The following DUSP29 variants were observed in gnomAD, a reference collection of about 807,000 sequenced individuals.
DUSP29 encodes the protein atypical dual-specific protein phosphatase.
DUSP29 carries 12 observed loss-of-function variants against 13.5 expected under a neutral mutation model. The ratio of observed to expected loss-of-function variants is 0.89; its 90% CI spans 0.57 to 1.44. DUSP29 has a LOEUF of 1.44. Among genes scored for constraint, DUSP29 ranks in the 40% most tolerant of loss-of-function variants. DUSP29 has a pLI of 0.00. For synonymous variants in DUSP29, 134 were observed against 128.7 expected (o/e 1.04, Z -0.28); for missense variants, 308 against 301.1 (o/e 1.02, Z -0.17).
At chr10:75,066,294 G>T (rs1021964752) in intron 1 of DUSP29, among the ~76,000 whole-genome samples, 2 of 151,994 alleles carry the variant, frequency 1.3e-5, no homozygotes, top group Non-Finnish European at 2.9e-5. Flanking sequence ...CTTCAACTTG[G>T]CAGTGCCCCA....
intron 1 of DUSP29, among the ~76,000 whole-genome samples, chr10:75,067,840 T>C (rs1375539364): frequency 6.6e-6 from 1 of 151,784 alleles, no homozygotes; most frequent in Admixed American, 6.6e-5. Flanking sequence ...TGAAACAGAG[T>C]CTCACTCTGT....
At chr10:75,066,328 G>A (rs1847200026) in intron 1 of DUSP29, among the ~76,000 whole-genome samples, 1 of 151,846 alleles carries the variant, frequency 6.6e-6, no homozygotes, top group African/African-American at 2.4e-5. Flanking sequence ...CCTCTCATTG[G>A]GACCCTAACC....
chr10:75,053,929 AG>A (rs1846899953), intron 2 of DUSP29, among the ~76,000 whole-genome samples: 1 of 152,190 alleles, frequency 6.6e-6, no homozygotes, highest in Non-Finnish European at 1.5e-5. Flanking sequence ...CCTCCTTTAT[AG>A]GGTTGTTGAG....
At chr10:75,053,599 C>T (rs935204074) in intron 2 of DUSP29, among the ~76,000 whole-genome samples, 14 of 152,320 alleles carry the variant, frequency 9.2e-5, no homozygotes, top group African/African-American at 3.4e-4. Flanking sequence ...CCCTCTAGTA[C>T]TCACCGCTGT....
chr10:75,058,606 G>A (rs2134297705), intron 1 of DUSP29, 58 bp from the exon 2 acceptor site: 2 of 1,405,804 alleles, frequency 1.4e-6, no homozygotes, highest in Non-Finnish European at 2.0e-6. Context: ...GCAGGGAATA[G>A]GCTTTACAAA....
At chr10:75,061,009 T>G (rs1387804958) in intron 1 of DUSP29, among the ~76,000 whole-genome samples, 2 of 152,184 alleles carry the variant, frequency 1.3e-5, no homozygotes, top group South Asian at 4.1e-4. Context: ...TGATGGTGAT[T>G]GGGGCTGGAT....
At chr10:75,068,459 A>G (rs1157641190) in intron 1 of DUSP29, among the ~76,000 whole-genome samples, 1 of 152,230 alleles carries the variant, frequency 6.6e-6, no homozygotes, top group African/African-American at 2.4e-5. Flanking sequence ...CCTGGATGAC[A>G]GAGTGAGAAC....
rs576066924 is a variant in DUSP29, at chr10:75,041,780, G to A, written c.421+2017C>T. Among the ~76,000 whole-genome samples the A allele has an allele frequency of 3.9e-5, 6 of 152,138 alleles. No individual in the cohort carries two copies. In the South Asian group the frequency reaches 8.3e-4, roughly 21 times the overall value. ...CTGATCCAAGTATCTACTCTCCTCC[G>A]TTGGCCCTTTGTTTGCTAGGTGCCA... On this transcript the variant is annotated intron_variant, in intron 3 of 3. Coordinates refer to ENST00000338487, the MANE Select transcript of DUSP29 (RefSeq NM_001003892.3).
intron 1 of DUSP29, among the ~76,000 whole-genome samples, 173 bp downstream of exon 1, chr10:75,073,396 T>C (rs1847377054): frequency 6.6e-6 from 1 of 152,234 alleles, no homozygotes. Flanking sequence ...GAAAATTCCA[T>C]GGTGTCTCTC....
chr10:75,055,666 G>A (rs1447699831), intron 2 of DUSP29, among the ~76,000 whole-genome samples: 3 of 152,098 alleles, frequency 2.0e-5, no homozygotes, highest in African/African-American at 7.2e-5. Flanking sequence ...ATTAGAGAGT[G>A]GTGATGTTTG....
At chr10:75,046,507 G>A (rs76002510) in intron 2 of DUSP29, among the ~76,000 whole-genome samples, 9,852 of 152,292 alleles carry the variant, frequency 0.065, 677 homozygotes, top group East Asian at 0.15. Context: ...CCAAGGGTGC[G>A]CTTGTCTTTC....
chr10:75,049,028 A>G (rs1386450321), intron 2 of DUSP29, among the ~76,000 whole-genome samples: 1 of 152,236 alleles, frequency 6.6e-6, no homozygotes, highest in Non-Finnish European at 1.5e-5. Flanking sequence ...AGGTTAAAAG[A>G]TGACTCCAAG....
intron 2 of DUSP29, among the ~76,000 whole-genome samples, chr10:75,055,159 G>A (rs938402795): frequency 7.2e-5 from 11 of 151,764 alleles, no homozygotes; most frequent in Admixed American, 5.9e-4. Context: ...TTCATTATAG[G>A]AAATATTTAC....
At chr10:75,053,692 G>GT (rs768193986) in intron 2 of DUSP29, among the ~76,000 whole-genome samples, 1,735 of 143,058 alleles carry the variant, frequency 0.012, 28 homozygotes, top group African/African-American at 0.037. Flanking sequence ...GACTGACCAT[G>GT]TTTTTTTTTT....
intron 1 of DUSP29, among the ~76,000 whole-genome samples, chr10:75,064,319 C>A (rs1311305216): frequency 6.6e-6 from 1 of 152,170 alleles, no homozygotes; most frequent in Non-Finnish European, 1.5e-5. Context: ...ACTATCCTGG[C>A]CAACATGGTG....
At chr10:75,062,803 C>A (rs1416763592) in intron 1 of DUSP29, among the ~76,000 whole-genome samples, 2 of 152,190 alleles carry the variant, frequency 1.3e-5, no homozygotes, top group Non-Finnish European at 2.9e-5. Flanking sequence ...AGATTAACTG[C>A]CAAGGTCTCA....
rs371506250 is a variant in DUSP29 at position 75,068,048 on chromosome 10, A to G, written c.-35+5521T>C. Among the ~76,000 whole-genome samples, 71 of 152,232 alleles carry G rather than the reference A, an allele frequency of 4.7e-4. No homozygotes were observed. In the South Asian group the frequency reaches 0.014, roughly 30 times the overall value. On this transcript the variant is annotated intron_variant, in intron 1 of 3. Transcript: ENST00000338487. ...GGCTGGTCTTGAACTCCTGACCTCA[A>G]ATGATCCACCCCCATCAGCTTCCCA...
chr10:75,042,631 A>G (rs1279187151), intron 3 of DUSP29, among the ~76,000 whole-genome samples: 3 of 152,214 alleles, frequency 2.0e-5, no homozygotes, highest in Non-Finnish European at 4.4e-5. Flanking sequence ...CAAAATAATG[A>G]CAAATTGTTG....
intron 1 of DUSP29, among the ~76,000 whole-genome samples, chr10:75,060,140 A>G (rs578099232): frequency 5.3e-5 from 8 of 152,102 alleles, no homozygotes; most frequent in African/African-American, 1.9e-4. Context: ...AGCCTGGGCA[A>G]CAAGAGTGAA....
Sources: allele counts gnomAD v4.1 joint callset (sites outside exome capture counted in the v4.1 genomes callset), GRCh38; gene constraint gnomAD v4.1.1; transcripts MANE v1.5; gene names NCBI Gene and HGNC (gene_info 2026-07-23, HGNC 2026-07-21).